PIGR: variants seen among roughly 807,000 people sequenced by gnomAD.
PIGR encodes the protein polymeric immunoglobulin receptor.
PIGR carries 22 observed loss-of-function variants against 69.5 expected under a neutral mutation model. That is an observed-to-expected ratio of 0.32 (90% CI 0.23 to 0.45). The LOEUF (loss-of-function observed/expected upper bound fraction) is 0.45. PIGR is among the 20% of genes least tolerant of loss of function. The probability of loss-of-function intolerance (pLI) is 1.00; values close to 1 mark genes in which losing one functional copy is unlikely to be tolerated. For synonymous variants in PIGR, 413 were observed against 407.6 expected (o/e 1.01, Z -0.16); for missense variants, 885 against 974.0 (o/e 0.91, Z 1.22).
chr1:206,932,550 T>A lies in PIGR; in HGVS notation c.1914A>T (p.Arg638Ser), dbSNP rs1190332482. 18 of 1,613,686 alleles carry A rather than the reference T, an allele frequency of 1.1e-5. No individual in the cohort carries two copies. Among genetic ancestry groups the A allele is most frequent in the Non-Finnish European group, 1.5e-5 (18 of 1,179,808 alleles). ...GSSEEQGGSS[R>S]ALVSTLVPLG... ...GGGGCACCAGGGTGGAGACCAGCGCTCTGGAGCTTCCACCTTGTTCCTCAG... is the reference window on the plus strand; with the variant it reads ...GGGGCACCAGGGTGGAGACCAGCGCACTGGAGCTTCCACCTTGTTCCTCAG... Residue 638 changes from arginine to serine, a missense_variant, in exon 8 of 11, where the codon AGA becomes AGT. Physicochemically the swap from Arg to Ser is moderately radical, Grantham distance 110. Transcript: ENST00000356495.
In PIGR at chr1:206,930,158, G is replaced by C; in HGVS notation, c.*160C>G. On this transcript the variant is annotated 3_prime_UTR_variant, in exon 11 of 11. Transcript: ENST00000356495. The surrounding 1 kb of genome is among the most constrained non-coding windows in gnomAD (Gnocchi z 4.3). ...AATAGGAACAATTAGGCCAGGCTTTGATGTCACTGAGGAGGGGACCAGCAC... is the reference window on the plus strand; with the variant it reads ...AATAGGAACAATTAGGCCAGGCTTTCATGTCACTGAGGAGGGGACCAGCAC... The C allele has an allele frequency of 3.8e-6, 2 of 519,556 alleles. No homozygotes were observed. Among genetic ancestry groups the C allele is most frequent in the Non-Finnish European group, 6.6e-6 (2 of 303,012 alleles). The allele number at this position is 519,556 out of a possible 1,614,324, so 32.2% of individuals were successfully genotyped here.
intron 1 of PIGR, among the ~76,000 whole-genome samples, chr1:206,944,585 G>A (rs1300587517): frequency 6.6e-6 from 1 of 152,206 alleles, no homozygotes; most frequent in Non-Finnish European, 1.5e-5. Context: ...CCTACCATGT[G>A]TAGGATATGT....
At chr1:206,933,752 G>A (rs1256764199) in intron 6 of PIGR, among the ~76,000 whole-genome samples, 4 of 152,220 alleles carry the variant, frequency 2.6e-5, no homozygotes, top group Non-Finnish European at 5.9e-5. Context: ...GCAGGGGGAA[G>A]GGGGATGAAC....
chr1:206,939,503 G>A (rs1402774141), intron 2 of PIGR, 40 bp from the exon 3 acceptor site: 2 of 1,457,848 alleles, frequency 1.4e-6, no homozygotes, highest in South Asian at 2.5e-5. Flanking sequence ...AGGCCCTTGG[G>A]AGGTAAAGCC....
At chr1:206,937,059 G>A in intron 4 of PIGR, 36 bp downstream of exon 4, 2 of 1,514,798 alleles carry the variant, frequency 1.3e-6, no homozygotes, top group Non-Finnish European at 1.8e-6. Context: ...CTGCGAGACT[G>A]CCCCACCTAC....
chr1:206,932,901 C>T (rs1679784951), intron 7 of PIGR, 85 bp downstream of exon 7: 1 of 1,374,612 alleles, frequency 7.3e-7, no homozygotes. Flanking sequence ...GACAGATGGG[C>T]TTTCCTCCTT....
intron 8 of PIGR, 114 bp downstream of exon 8, chr1:206,932,342 C>T: frequency 7.9e-7 from 1 of 1,264,496 alleles, no homozygotes; most frequent in Non-Finnish European, 1.1e-6. Flanking sequence ...TCTCGGGATC[C>T]TTTGTTTTAG....
chr1:206,943,524 C>G (rs1680038619), intron 1 of PIGR, among the ~76,000 whole-genome samples: 1 of 152,112 alleles, frequency 6.6e-6, no homozygotes, highest in African/African-American at 2.4e-5. Context: ...AACATATGTC[C>G]CCACAATTGT....
chr1:206,937,228 C>T lies in PIGR; in HGVS notation c.912G>A (p.Lys304=). 1 of 1,614,178 alleles carries T rather than the reference C, an allele frequency of 6.2e-7. No homozygotes were observed. Among genetic ancestry groups the T allele is most frequent in the Non-Finnish European group, 8.5e-7 (1 of 1,180,022 alleles). Residue 304 remains lysine (K), a synonymous_variant, in exon 4 of 11, where the codon AAG becomes AAA. Coordinates refer to ENST00000356495, the MANE Select transcript of PIGR (RefSeq NM_002644.4). The part of the protein sequence containing the change: ...EGRILLNPQD[K]DGSFSVVITG... The stretch of plus-strand genomic sequence containing the variant: ...TGATCACCACACTGAATGAGCCATC[C>T]TTGTCCTGGGGGTTGAGCAGGATCC...
intron 1 of PIGR, among the ~76,000 whole-genome samples, 165 bp from the exon 2 acceptor site, chr1:206,940,749 AT>A (rs1400362313): frequency 2.0e-5 from 3 of 152,352 alleles, no homozygotes; most frequent in African/African-American, 4.8e-5. Context: ...TCAAAGTCTT[AT>A]CATCCTTCAA....
chr1:206,939,199 T>A lies in PIGR; in HGVS notation c.308A>T (p.Asp103Val). Residue 103 changes from aspartate to valine, a missense_variant, in exon 3 of 11, where the codon GAT becomes GTT. Coordinates refer to ENST00000356495, the MANE Select transcript of PIGR (RefSeq NM_002644.4). ...GCCACACTTGTAGCGCCCGGAGTCA[T>A]CCTGGCTCAGCTGGGCAATGTTCAC... The part of the protein sequence containing the change: ...FVVNIAQLSQ[D>V]DSGRYKCGLG... The A allele has an allele frequency of 6.2e-7, 1 of 1,614,200 alleles. No homozygotes were observed. The highest frequency in any genetic ancestry group is 8.5e-7 in the Non-Finnish European group (1 of 1,180,036).
Position 206,930,263 on chromosome 1 carries a change from C to T in PIGR, c.*55G>A. On this transcript the variant is annotated 3_prime_UTR_variant, in exon 11 of 11. Transcript: ENST00000356495. This position sits in a 1 kb window ranked among gnomAD's most constrained non-coding sequence, Gnocchi z 4.3. ...CCCCAGGAGCTGAGGGCCCCAGGAT[C>T]GACATGATTCTGAAGGTGATTGTCA... is the stretch of plus-strand genomic sequence containing the variant. 2.0e-6 allele frequency: 3 copies of T among 1,493,002 alleles called. No homozygotes were observed. Among genetic ancestry groups the T allele is most frequent in the South Asian group, 1.3e-5 (1 of 79,438 alleles). The allele number at this position is 1,493,002 out of a possible 1,614,324, so 92.5% of individuals were successfully genotyped here.
At chr1:206,931,613 G>A in intron 9 of PIGR, 58 bp from the exon 10 acceptor site, 2 of 1,613,816 alleles carry the variant, frequency 1.2e-6, no homozygotes, top group Middle Eastern at 1.6e-4. Context: ...CAACCCAGAT[G>A]TGAGACCAAT....
Position 206,937,293 on chromosome 1 carries a change from C to T in PIGR, c.847G>A (p.Val283Ile), listed in dbSNP as rs142859826. Residue 283 changes from valine to isoleucine, a missense_variant, in exon 4 of 11, where the codon GTC (valine) becomes ATC (isoleucine). Coordinates refer to ENST00000356495, the MANE Select transcript of PIGR (RefSeq NM_002644.4). ...GGGGCCCTCTTCCCCAGGGTGTTGA[C>T]GACCACGTCACAGTTTTCCCCACTG... ...QSSGENCDVVVNTLGKRAPAF... is the reference protein window; with the variant it reads ...QSSGENCDVVINTLGKRAPAF... The T allele has an allele frequency of 6.6e-4, 1,057 of 1,613,236 alleles. No homozygotes were observed. The highest frequency in any genetic ancestry group is 8.1e-4 in the Non-Finnish European group (957 of 1,179,576).
chr1:206,933,005 C>T lies in PIGR; in HGVS notation c.1867G>A (p.Ala623Thr), dbSNP rs749335388. The stretch of plus-strand genomic sequence containing the variant: ...CCTTACCTGCCGGAATCCACAGATG[C>T]TCTGCTCCCATCGGCTTGATCTCTT... ...DTRDQADGSR[A>T]SVDSGSSEEQ... Residue 623 changes from alanine (A) to threonine (T), a missense_variant, in exon 7 of 11, where the codon GCA (alanine) becomes ACA (threonine). Coordinates refer to ENST00000356495, the MANE Select transcript of PIGR (RefSeq NM_002644.4). 4.3e-6 allele frequency: 7 copies of T among 1,614,184 alleles called. No individual in the cohort carries two copies. The highest frequency in any genetic ancestry group is 1.7e-5 in the Admixed American group (1 of 60,034).
chr1:206,933,580 T>C (rs1679804738), intron 6 of PIGR, among the ~76,000 whole-genome samples: 1 of 152,170 alleles, frequency 6.6e-6, no homozygotes, highest in Non-Finnish European at 1.5e-5. Flanking sequence ...CCAGACCCAA[T>C]AGGATTTCTT....
chr1:206,939,513 C>G (rs755976148), intron 2 of PIGR, 50 bp from the exon 3 acceptor site: 84 of 1,363,360 alleles, frequency 6.2e-5, no homozygotes, highest in Non-Finnish European at 8.4e-5. Flanking sequence ...GAGGTAAAGC[C>G]TGTTCCAGAT....
chr1:206,934,317 C>T, intron 6 of PIGR, 103 bp downstream of exon 6: 1 of 1,033,496 alleles, frequency 9.7e-7, no homozygotes, highest in Admixed American at 2.5e-5. Flanking sequence ...CTCTTACAGC[C>T]AAACATAGGG....
chr1:206,934,328 G>A (rs1679820504), intron 6 of PIGR, 92 bp downstream of exon 6: 2 of 1,130,700 alleles, frequency 1.8e-6, no homozygotes, highest in Non-Finnish European at 2.5e-6. Flanking sequence ...AAACATAGGG[G>A]CCAGCACTGA....
Sources: gnomAD v4.1 joint callset for allele counts (sites outside exome capture counted in the v4.1 genomes callset) on GRCh38, gnomAD v4.1.1 for gene constraint, Gnocchi (gnomAD v3.1) non-coding constraint, MANE v1.5 for transcripts, NCBI Gene and HGNC (gene_info 2026-07-23, HGNC 2026-07-21) for gene names.